The following CACNA2D3 variants were observed in gnomAD, a reference collection of about 807,000 sequenced individuals.
CACNA2D3 encodes the protein calcium voltage-gated channel auxiliary subunit alpha2delta 3.
In CACNA2D3, 60 loss-of-function variants were observed where a neutral mutation model predicts 160.6. The observed-to-expected ratio is 0.37, with a 90% CI of 0.30 to 0.46. CACNA2D3 has a LOEUF of 0.46. CACNA2D3 is among the 20% of genes least tolerant of loss of function. The probability of loss-of-function intolerance (pLI) is 1.00; values close to 1 mark genes in which losing one functional copy is unlikely to be tolerated. For synonymous variants in CACNA2D3, 558 were observed against 492.9 expected, an observed-to-expected ratio of 1.13 and a Z score of -1.75; for missense variants, 1,205 against 1,365.0, an observed-to-expected ratio of 0.88 and a Z score of 1.85.
intron 4 of CACNA2D3, among the ~76,000 whole-genome samples, chr3:54,464,584 C>T (rs549694271): frequency 1.5e-4 from 23 of 152,308 alleles, no homozygotes; most frequent in African/African-American, 4.3e-4. Context: ...GAGCCAAGTG[C>T]GGGATATAAT....
chr3:54,513,982 G>A (rs1203031533), intron 5 of CACNA2D3, among the ~76,000 whole-genome samples: 1 of 152,156 alleles, frequency 6.6e-6, no homozygotes, highest in African/African-American at 2.4e-5. Flanking sequence ...CGTCATGCCT[G>A]TTTATATGCA....
At chr3:54,153,034 A>C (rs1321956800) in intron 2 of CACNA2D3, among the ~76,000 whole-genome samples, 1 of 152,222 alleles carries the variant, frequency 6.6e-6, no homozygotes, top group African/African-American at 2.4e-5. Flanking sequence ...CCACAGGCCC[A>C]CTGAGACCCC....
At chr3:54,932,809 T>C (rs984394488) in intron 27 of CACNA2D3, among the ~76,000 whole-genome samples, 5 of 152,220 alleles carry the variant, frequency 3.3e-5, no homozygotes, top group African/African-American at 1.2e-4. Flanking sequence ...GGCGATCTAA[T>C]GCCAGGGAAG....
chr3:54,763,780 CATATATAT>C lies in CACNA2D3; in HGVS notation c.1247-437_1247-430del, dbSNP rs1559573681. ...ATACACATATATATGTATATATGTA[CATATATAT>C]GTATATATATGTACATATATATACA... is the stretch of plus-strand genomic sequence containing the variant. On this transcript the variant is annotated intron_variant, in intron 12 of 37. Transcript: ENST00000474759. Among the ~76,000 whole-genome samples the C allele has an allele frequency of 7.8e-5, 2 of 25,734 alleles. 1 individual carries two copies. Among genetic ancestry groups the C allele is most frequent in the Non-Finnish European group, 1.7e-4 (2 of 11,538 alleles). 16.9% of individuals were successfully genotyped at this position (25,734 alleles called of 152,430 possible).
At chr3:54,710,013 C>T (rs138605421) in intron 11 of CACNA2D3, among the ~76,000 whole-genome samples, 40 of 152,298 alleles carry the variant, frequency 2.6e-4, no homozygotes, top group African/African-American at 8.4e-4. Flanking sequence ...TTTTCACACA[C>T]GCACACAGGG....
Position 55,018,232 on chromosome 3 carries a change from C to G in CACNA2D3, c.2902C>G (p.Pro968Ala). 6.2e-7 allele frequency: 1 copy of G among 1,612,720 alleles called. No homozygotes were observed. The highest frequency in any genetic ancestry group is 8.5e-7 in the Non-Finnish European group (1 of 1,179,022). Residue 968 changes from proline (P) to alanine (A), a missense_variant, in exon 35 of 38, where the codon CCT becomes GCT. Physicochemically the swap from Pro to Ala is conservative, Grantham distance 27. This residue lies in a region of CACNA2D3 where 911 missense variants were observed against 1,002.2 expected (regional missense o/e 0.91). Coordinates refer to ENST00000474759, the MANE Select transcript of CACNA2D3 (RefSeq NM_018398.3). ...KAQKLKQTLE[P>A]CDTEYPAFVS... ...CCAGAAATTGAAACAGACCCTGGAG[C>G]CTTGTGATACTGAATATCCAGCATT...
intron 35 of CACNA2D3, among the ~76,000 whole-genome samples, chr3:55,067,772 G>T (rs747601897): frequency 1.3e-5 from 2 of 151,684 alleles, no homozygotes; most frequent in African/African-American, 2.4e-5. Flanking sequence ...GATATATAAA[G>T]AATTTATAGA....
At chr3:54,486,728 A>G (rs1701020901) in intron 4 of CACNA2D3, among the ~76,000 whole-genome samples, 1 of 152,140 alleles carries the variant, frequency 6.6e-6, no homozygotes, top group South Asian at 2.1e-4. Flanking sequence ...TCAGTCTCCC[A>G]GCATACCCAG....
At chr3:54,679,077 C>T (rs1296239345) in intron 11 of CACNA2D3, among the ~76,000 whole-genome samples, 1 of 152,172 alleles carries the variant, frequency 6.6e-6, no homozygotes, top group Non-Finnish European at 1.5e-5. Context: ...TACCTGTCAG[C>T]CAGGCAGCCC....
chr3:54,348,098 T>C (rs1698490024), intron 3 of CACNA2D3, among the ~76,000 whole-genome samples: 1 of 152,170 alleles, frequency 6.6e-6, no homozygotes, highest in South Asian at 2.1e-4. Context: ...GAGTGATGAG[T>C]TGATTGCATC....
intron 4 of CACNA2D3, among the ~76,000 whole-genome samples, chr3:54,430,241 A>G (rs1329926226): frequency 1.3e-5 from 2 of 152,210 alleles, no homozygotes; most frequent in Non-Finnish European, 2.9e-5. Flanking sequence ...TGTCTCTTTC[A>G]ATCCAAATTA....
intron 2 of CACNA2D3, among the ~76,000 whole-genome samples, chr3:54,292,848 A>G (rs1195592517): frequency 6.6e-6 from 1 of 152,240 alleles, no homozygotes; most frequent in African/African-American, 2.4e-5. Context: ...AAGAACAGAA[A>G]GAAGAGACTG....
intron 28 of CACNA2D3, among the ~76,000 whole-genome samples, chr3:54,968,961 T>G (rs576166670): frequency 6.6e-6 from 1 of 152,316 alleles, no homozygotes; most frequent in African/African-American, 2.4e-5. Flanking sequence ...TCTGGGAACA[T>G]TGTTTTCTTT....
chr3:54,701,920 A>G (rs544662406), intron 11 of CACNA2D3, among the ~76,000 whole-genome samples: 5 of 152,266 alleles, frequency 3.3e-5, no homozygotes, highest in Non-Finnish European at 5.9e-5. Context: ...ACACAGACCA[A>G]TGGAACAGGT....
intron 9 of CACNA2D3, among the ~76,000 whole-genome samples, chr3:54,624,976 T>G (rs1357762288): frequency 6.6e-6 from 1 of 152,222 alleles, no homozygotes; most frequent in East Asian, 1.9e-4. Flanking sequence ...CTGGCTTCCT[T>G]GGACTCGGTT....
At chr3:54,878,330 G>A (rs1194552334) in intron 18 of CACNA2D3, among the ~76,000 whole-genome samples, 8 of 152,010 alleles carry the variant, frequency 5.3e-5, no homozygotes, top group Admixed American at 5.2e-4. Context: ...TTTCATCACT[G>A]CGTCTGCTGT....
At chr3:54,481,998 G>A (rs1487918898) in intron 4 of CACNA2D3, among the ~76,000 whole-genome samples, 1 of 152,156 alleles carries the variant, frequency 6.6e-6, no homozygotes, top group Non-Finnish European at 1.5e-5. Flanking sequence ...GCACACAAAT[G>A]TATTTTCCCT....
At chr3:54,295,313 G>T (rs1229568843) in intron 2 of CACNA2D3, among the ~76,000 whole-genome samples, 1 of 152,212 alleles carries the variant, frequency 6.6e-6, no homozygotes, top group Non-Finnish European at 1.5e-5. Context: ...ACCATGAACT[G>T]TGTGGGGCCT....
intron 5 of CACNA2D3, among the ~76,000 whole-genome samples, chr3:54,514,840 C>T (rs1030841333): frequency 6.6e-6 from 1 of 152,238 alleles, no homozygotes; most frequent in Non-Finnish European, 1.5e-5. Context: ...GGTAAGTAGT[C>T]CTTCACAGAA....
Sources: gnomAD v4.1 joint callset for allele counts (sites outside exome capture counted in the v4.1 genomes callset) on GRCh38, gnomAD v4.1.1 for gene constraint, gnomAD v4.1.1 regional missense constraint, MANE v1.5 for transcripts, NCBI Gene and HGNC (gene_info 2026-07-23, HGNC 2026-07-21) for gene names.